AKNA: variants seen among roughly 807,000 people sequenced by gnomAD.
AKNA encodes microtubule organization protein AKNA.
In AKNA, 67 loss-of-function variants were observed where a neutral mutation model predicts 138.8. That is an observed-to-expected ratio of 0.48 (90% CI 0.40 to 0.59). The LOEUF (loss-of-function observed/expected upper bound fraction) is 0.59. Among genes scored for constraint, AKNA ranks in the 20% least tolerant of loss-of-function variants. The pLI is 0.00. For synonymous variants in AKNA, 737 were observed against 754.4 expected (o/e 0.98, Z 0.38); for missense variants, 1,813 against 1,880.4 (o/e 0.96, Z 0.66).
intron 15 of AKNA, among the ~76,000 whole-genome samples, chr9:114,349,775 C>G (rs1224272586): frequency 6.6e-6 from 1 of 152,184 alleles, no homozygotes; most frequent in Non-Finnish European, 1.5e-5. Flanking sequence ...CACTCCACCC[C>G]CTCACACTAG....
intron 3 of AKNA, among the ~76,000 whole-genome samples, chr9:114,375,202 G>T (rs146370619): frequency 9.2e-5 from 14 of 152,264 alleles, no homozygotes; most frequent in Non-Finnish European, 1.9e-4. Context: ...TCAAGAAAAA[G>T]AGGACAATGG....
At chr9:114,372,621 AG>A (rs148990222) in intron 4 of AKNA, among the ~76,000 whole-genome samples, 1,879 of 152,286 alleles carry the variant, frequency 0.012, 28 homozygotes, top group African/African-American at 0.043. Context: ...TGACCTTCAG[AG>A]GCCCCTATCC....
In AKNA at chr9:114,377,502, G is replaced by C. The variant is rs1308915648; in HGVS notation, c.305C>G (p.Ala102Gly). 2 of 1,609,762 alleles carry C rather than the reference G, an allele frequency of 1.2e-6. No individual in the cohort carries two copies. Among genetic ancestry groups the C allele is most frequent in the African/African-American group, 2.7e-5 (2 of 74,790 alleles). ...CCAGGCAAGAGGCTCATGGGAACTT[G>C]CTGGGCTGTCCACATCCTCTGCTTC... is the stretch of plus-strand genomic sequence containing the variant. ...EAEAEDVDSP[A>G]SSHEPLAWLP... is the part of the protein sequence containing the mutation. Residue 102 changes from alanine (A) to glycine (G), a missense_variant, in exon 3 of 22, where the codon GCA becomes GGA. Coordinates refer to ENST00000374088, the MANE Select transcript of AKNA (RefSeq NM_001317950.2).
chr9:114,341,772 C>G, intron 20 of AKNA, 47 bp from the exon 21 acceptor site: 2 of 1,522,168 alleles, frequency 1.3e-6, no homozygotes, highest in Non-Finnish European at 1.8e-6. Flanking sequence ...GACCACTTGG[C>G]AGATCCAGCC....
At chr9:114,367,826 C>T in intron 5 of AKNA, 129 bp from the exon 6 acceptor site, 14 of 1,063,568 alleles carry the variant, frequency 1.3e-5, no homozygotes, top group African/African-American at 1.6e-5. Context: ...GCGATCTTCA[C>T]ATCAGCCCCA....
intron 18 of AKNA, chr9:114,344,021 C>T: frequency 4.1e-6 from 2 of 484,246 alleles, no homozygotes; most frequent in South Asian, 5.2e-5. Flanking sequence ...CACCGAACAT[C>T]TTTGTGTCTG....
Position 114,376,494 on chromosome 9 carries a change from T to G in AKNA, c.1313A>C (p.Gln438Pro). 6.2e-7 allele frequency: 1 copy of G among 1,613,878 alleles called. No homozygotes were observed. Among genetic ancestry groups the G allele is most frequent in the Non-Finnish European group, 8.5e-7 (1 of 1,179,914 alleles). The stretch of plus-strand genomic sequence containing the variant: ...GAGCTGATGGACCAGCTCAGTGGCT[T>G]GCTCAGGCGTCTGAAATTCTTGGGG... ...RVPQEFQTPE[Q>P]ATELVHQLQE... Residue 438 changes from glutamine (Q) to proline (P), a missense_variant, in exon 3 of 22, where the codon CAA becomes CCA. Transcript: ENST00000374088.
intron 21 of AKNA, among the ~76,000 whole-genome samples, chr9:114,341,235 T>A (rs1409519147): frequency 6.6e-6 from 1 of 152,206 alleles, no homozygotes; most frequent in African/African-American, 2.4e-5. Flanking sequence ...ATGGTTAGGA[T>A]TCTCAGTCTC....
At chr9:114,381,028 C>T (rs1373207682) in intron 2 of AKNA, 32 bp downstream of exon 2, 1 of 1,442,424 alleles carries the variant, frequency 6.9e-7, no homozygotes, top group African/African-American at 2.0e-5. Context: ...GGGGACAGGA[C>T]ACCACTGTAG....
chr9:114,374,303 C>T (rs1349659600), intron 3 of AKNA, 136 bp from the exon 4 acceptor site: 16 of 834,794 alleles, frequency 1.9e-5, no homozygotes, highest in African/African-American at 5.0e-5. Context: ...TGGTGGGATC[C>T]GAGCTGAGCA....
chr9:114,337,080 T>C lies in AKNA; in HGVS notation c.4294A>G (p.Ser1432Gly). ...CAGAAGAGGCAGGAGCCCCGCAGGC[T>C]GTGAGCCTGGCGCAGGTCGGCTGAC... ...SLSADLRQAHSLRGSCLF is the reference protein window; with the variant it reads ...SLSADLRQAHGLRGSCLF The change falls in exon 22 of 22, where the codon AGC becomes GGC. Residue 1432 changes from serine to glycine, a missense_variant. Coordinates refer to ENST00000374088, the MANE Select transcript of AKNA (RefSeq NM_001317950.2). The C allele has an allele frequency of 7.6e-7, 1 of 1,323,814 alleles. No homozygotes were observed. The highest frequency in any genetic ancestry group is 1.0e-6 in the Non-Finnish European group (1 of 1,002,790). The allele number at this position is 1,323,814 out of a possible 1,614,324, so 82.0% of individuals were successfully genotyped here.
At chr9:114,366,738 G>A (rs1832390145) in intron 6 of AKNA, among the ~76,000 whole-genome samples, 1 of 150,480 alleles carries the variant, frequency 6.6e-6, no homozygotes, top group South Asian at 2.1e-4. Flanking sequence ...GGGGAAGGGA[G>A]AGGAGAGGAG....
upstream of AKNA, among the ~76,000 whole-genome samples, chr9:114,388,740 G>A (rs1203796662): frequency 2.0e-5 from 3 of 152,182 alleles, no homozygotes; most frequent in African/African-American, 7.2e-5. Context: ...CTGTGTGGCG[G>A]GTGCTTTTAA....
At chr9:114,345,806 A>G (rs1830639212) in intron 18 of AKNA, 57 bp downstream of exon 18, 1 of 1,559,766 alleles carries the variant, frequency 6.4e-7, no homozygotes, top group African/African-American at 1.4e-5. Context: ...CTCATAACAG[A>G]GGAGCCCCCG....
At position 114,374,208 on chromosome 9, in the gene AKNA, A is replaced by T. The variant is rs760744364; in HGVS notation, c.1342-41T>A. ...GCAACACGGTCACATGCGCAGGCACACAATGAACCCCTCCTTGCTGGGAGA... is the reference window on the plus strand; with the variant it reads ...GCAACACGGTCACATGCGCAGGCACTCAATGAACCCCTCCTTGCTGGGAGA... On this transcript the variant is annotated intron_variant, in intron 3 of 21. Transcript: ENST00000374088. 3.3e-6 allele frequency: 5 copies of T among 1,536,104 alleles called. No individual in the cohort carries two copies. The South Asian group carries it at 6.0e-5, about 18-fold the overall frequency.
chr9:114,372,975 G>GA (rs1554842101), intron 4 of AKNA, among the ~76,000 whole-genome samples: 1 of 136,318 alleles, frequency 7.3e-6, no homozygotes, highest in East Asian at 2.7e-4. Flanking sequence ...GGGGGGGGGG[G>GA]GGGTCCTGGT....
intron 1 of AKNA, among the ~76,000 whole-genome samples, chr9:114,382,725 G>A (rs550955121): frequency 1.2e-4 from 19 of 152,186 alleles, no homozygotes; most frequent in African/African-American, 4.3e-4. Flanking sequence ...TGAAAGATGC[G>A]ACAAAGGTCA....
intron 19 of AKNA, among the ~76,000 whole-genome samples, 156 bp downstream of exon 19, chr9:114,343,552 C>T (rs949631700): frequency 1.3e-5 from 2 of 152,202 alleles, no homozygotes; most frequent in African/African-American, 4.8e-5. Flanking sequence ...ACAGATGTGA[C>T]GGCAGGACAC....
At chr9:114,357,005 G>T in intron 12 of AKNA, 36 bp from the exon 13 acceptor site, 1 of 1,557,670 alleles carries the variant, frequency 6.4e-7, no homozygotes, top group Non-Finnish European at 8.7e-7. Context: ...TCTGAGGAAT[G>T]TGTCCAAGGC....
Sources: gnomAD v4.1 joint callset for allele counts (sites outside exome capture counted in the v4.1 genomes callset) on GRCh38, gnomAD v4.1.1 for gene constraint, MANE v1.5 for transcripts, NCBI Gene and HGNC (gene_info 2026-07-23, HGNC 2026-07-21) for gene names.